Variants in SYNGR1 observed in about 807,000 individuals in gnomAD.
SYNGR1 encodes synaptogyrin 1, also known as synaptogyrin-1.
A neutral mutation model predicts 26.1 loss-of-function variants in SYNGR1; 14 were observed. The observed-to-expected ratio is 0.54, with a 90% CI of 0.35 to 0.84. The LOEUF (loss-of-function observed/expected upper bound fraction) is 0.84. Among genes scored for constraint, SYNGR1 ranks in the 40% least tolerant of loss-of-function variants. The pLI, the probability that SYNGR1 is intolerant of heterozygous loss-of-function variation, is 0.01. For synonymous variants in SYNGR1, 141 were observed against 150.1 expected (o/e 0.94, Z 0.44); for missense variants, 319 against 332.9 (o/e 0.96, Z 0.33).
chr22:39,373,413 G>A (rs1445212679), intron 1 of SYNGR1, among the ~76,000 whole-genome samples: 10 of 151,708 alleles, frequency 6.6e-5, no homozygotes, highest in African/African-American at 1.9e-4. Context: ...TGATCCACCC[G>A]CCTCTGCCTC....
At chr22:39,359,235 A>G (rs143941058) in intron 1 of SYNGR1, among the ~76,000 whole-genome samples, 7 of 152,138 alleles carry the variant, frequency 4.6e-5, no homozygotes, top group Admixed American at 3.3e-4. Flanking sequence ...CTTACAGGAC[A>G]TTGTCCCCCA....
At chr22:39,373,991 G>A (rs960618786) in intron 1 of SYNGR1, among the ~76,000 whole-genome samples, 7 of 152,100 alleles carry the variant, frequency 4.6e-5, no homozygotes, top group South Asian at 2.1e-4. Flanking sequence ...TTTGAGAGTC[G>A]GTCCAGTCCC....
intron 1 of SYNGR1, among the ~76,000 whole-genome samples, chr22:39,359,487 C>T (rs555607693): frequency 2.4e-4 from 37 of 151,760 alleles, no homozygotes; most frequent in African/African-American, 7.0e-4. Flanking sequence ...AAAAATTAGC[C>T]GGGTGTGGTG....
chr22:39,380,813 G>A (rs1325605464), intron 3 of SYNGR1, among the ~76,000 whole-genome samples: 4 of 151,774 alleles, frequency 2.6e-5, no homozygotes, highest in Admixed American at 1.3e-4. Flanking sequence ...TAGAGATGGG[G>A]TTTCACCATG....
chr22:39,350,340 G>A lies in SYNGR1; in HGVS notation c.99+231G>A, dbSNP rs1316973870. Among the ~76,000 whole-genome samples, 2 of 152,062 alleles carry A rather than the reference G, an allele frequency of 1.3e-5. No individual in the cohort carries two copies. Among genetic ancestry groups the A allele is most frequent in the Non-Finnish European group, 2.9e-5 (2 of 67,972 alleles). ...GGGAGACGCCGCTCCGGCTCCCGGA[G>A]CCCTGGTTTCCTGGGGCCCCCGGTT... On this transcript the variant is annotated intron_variant, in intron 1 of 3. Coordinates refer to ENST00000328933, the MANE Select transcript of SYNGR1 (RefSeq NM_004711.5). The surrounding 1 kb of genome is among the most constrained non-coding windows in gnomAD (Gnocchi z 4.3).
intron 1 of SYNGR1, among the ~76,000 whole-genome samples, chr22:39,351,848 T>A (rs909351905): frequency 1.3e-5 from 2 of 152,228 alleles, no homozygotes; most frequent in African/African-American, 4.8e-5. Context: ...GAGAGGGGTC[T>A]CCCTGCTGTG....
At chr22:39,354,699 C>T (rs760483737) in intron 1 of SYNGR1, among the ~76,000 whole-genome samples, 4 of 152,114 alleles carry the variant, frequency 2.6e-5, no homozygotes, top group African/African-American at 4.8e-5. Context: ...ATTAGCTGAG[C>T]GTGGTGGCGG....
chr22:39,365,006 T>C (rs929629330), intron 1 of SYNGR1, among the ~76,000 whole-genome samples: 11 of 152,232 alleles, frequency 7.2e-5, no homozygotes, highest in African/African-American at 2.7e-4. Flanking sequence ...TGCCTTTTTT[T>C]AGCGTTTGCT....
In SYNGR1 at chr22:39,350,683, C is replaced by T. The variant is rs1923864474; in HGVS notation, c.99+574C>T. Among the ~76,000 whole-genome samples, 1 of 152,210 alleles carries T rather than the reference C, an allele frequency of 6.6e-6. No individual in the cohort carries two copies. The highest frequency in any genetic ancestry group is 1.9e-4 in the East Asian group (1 of 5,186). Reference sequence around the variant, plus strand: ...AACTGCCTCTCCTTCTCTGCGTGACCTTGGGCTGGGAGCCACCCAGGAAAT... The same window carrying T: ...AACTGCCTCTCCTTCTCTGCGTGACTTTGGGCTGGGAGCCACCCAGGAAAT... On this transcript the variant is annotated intron_variant, in intron 1 of 3. Coordinates refer to ENST00000328933, the MANE Select transcript of SYNGR1 (RefSeq NM_004711.5). This position sits in a 1 kb window ranked among gnomAD's most constrained non-coding sequence, Gnocchi z 4.3.
chr22:39,375,946 G>T (rs1382219104), intron 2 of SYNGR1, 106 bp from the exon 3 acceptor site: 1 of 1,451,304 alleles, frequency 6.9e-7, no homozygotes, highest in African/African-American at 1.4e-5. Context: ...CATGGGAGAT[G>T]CACTCTTGAA....
Position 39,356,723 on chromosome 22 carries a change from C to T in SYNGR1, c.99+6614C>T, listed in dbSNP as rs184243930. ...CAGGTGGGAGGGGAGGCAGGGTAGG[C>T]GCAGAGGAGTGCCTTGGCCTGGAGA... On this transcript the variant is annotated intron_variant, in intron 1 of 3. Transcript: ENST00000328933. 1.7e-3 allele frequency among the ~76,000 whole-genome samples: 253 copies of T among 152,262 alleles called. 1 individual carries two copies. Among genetic ancestry groups the T allele is most frequent in the African/African-American group, 5.9e-3 (245 of 41,550 alleles).
Position 39,370,910 on chromosome 22 carries a change from C to T in SYNGR1, c.100-3406C>T, listed in dbSNP as rs564102473. ...TGCTGGGATTACAGGCATGAACCAC[C>T]GCACCTGGCCGGTCTCTAAACTTTT... On this transcript the variant is annotated intron_variant, in intron 1 of 3. Coordinates refer to ENST00000328933, the MANE Select transcript of SYNGR1 (RefSeq NM_004711.5). 2.4e-4 allele frequency among the ~76,000 whole-genome samples: 37 copies of T among 152,222 alleles called. No homozygotes were observed. In the South Asian group the frequency reaches 6.9e-3, roughly 28 times the overall value.
chr22:39,365,371 A>T (rs1924691144), intron 1 of SYNGR1, among the ~76,000 whole-genome samples: 1 of 151,170 alleles, frequency 6.6e-6, no homozygotes, highest in Admixed American at 6.6e-5. Flanking sequence ...CCTCAACTCC[A>T]CTCCTGCCCA....
chr22:39,365,976 G>A (rs192123133), intron 1 of SYNGR1, among the ~76,000 whole-genome samples: 523 of 93,672 alleles, frequency 5.6e-3, no homozygotes, highest in African/African-American at 0.017. Context: ...GAGCCACCGC[G>A]CTCAGCCCCT....
intron 1 of SYNGR1, among the ~76,000 whole-genome samples, chr22:39,354,918 A>C (rs1569173764): frequency 6.6e-6 from 1 of 151,830 alleles, no homozygotes; most frequent in Admixed American, 6.6e-5. Flanking sequence ...CCCCCAACCA[A>C]CTTGCCATGT....
intron 1 of SYNGR1, among the ~76,000 whole-genome samples, chr22:39,362,314 G>A (rs1212235542): frequency 3.9e-5 from 6 of 152,202 alleles, no homozygotes; most frequent in Middle Eastern, 6.8e-3. Flanking sequence ...GCCCAGCGGA[G>A]TCCACTCCAC....
intron 1 of SYNGR1, among the ~76,000 whole-genome samples, chr22:39,367,774 G>A (rs1924831848): frequency 6.6e-6 from 1 of 150,550 alleles, no homozygotes; most frequent in South Asian, 2.1e-4. Context: ...AGTGAGCCGA[G>A]GTCACACCAC....
intron 3 of SYNGR1, chr22:39,377,161 C>T: frequency 2.0e-6 from 3 of 1,470,842 alleles, no homozygotes; most frequent in South Asian, 2.8e-5. Context: ...GCCAGCCGTC[C>T]CTGTTTCCCC....
chr22:39,358,669 A>T (rs1924304125), intron 1 of SYNGR1, among the ~76,000 whole-genome samples: 1 of 152,164 alleles, frequency 6.6e-6, no homozygotes, highest in Non-Finnish European at 1.5e-5. Flanking sequence ...CTCCGGACAC[A>T]TCCGAACATC....
Sources: gnomAD v4.1 joint callset for allele counts (sites outside exome capture counted in the v4.1 genomes callset) on GRCh38, gnomAD v4.1.1 for gene constraint, Gnocchi (gnomAD v3.1) non-coding constraint, MANE v1.5 for transcripts, NCBI Gene and HGNC (gene_info 2026-07-23, HGNC 2026-07-21) for gene names.